NUCKS1: variants seen among roughly 807,000 people sequenced by gnomAD.
NUCKS1 encodes nuclear casein kinase and cyclin dependent kinase substrate 1.
Under a neutral mutation model 33.0 loss-of-function variants are expected in NUCKS1, and 2 were observed. The ratio of observed to expected loss-of-function variants is 0.06; its 90% confidence interval spans 0.02 to 0.19. The LOEUF is 0.19. Ranked by LOEUF, NUCKS1 falls within the 10% of genes least tolerant of loss-of-function variation. NUCKS1 has a pLI of 1.00. For missense variants in NUCKS1, 201 were observed against 293.6 expected (o/e 0.68, Z 2.31); for synonymous variants, 106 against 102.8 (o/e 1.03, Z -0.19).
In NUCKS1 at chr1:205,750,151, G is replaced by T. The variant is rs916952924; in HGVS notation, c.-178C>A. On this transcript the variant is annotated 5_prime_UTR_variant, in exon 1 of 7. Coordinates refer to ENST00000367142, the MANE Select transcript of NUCKS1 (RefSeq NM_022731.5). ...GGTTCAGGGCTCCTGGAACAGACGA[G>T]CCCCCCGCTCCCCCGTCTCTTCAAA... 13 of 641,322 alleles carry T rather than the reference G, an allele frequency of 2.0e-5. No homozygotes were observed. In the African/African-American group the frequency reaches 2.2e-4, roughly 11 times the overall value. The allele number at this position is 641,322 out of a possible 1,614,324, so 39.7% of individuals were successfully genotyped here. A position where few individuals can be genotyped will look rare whatever the true frequency, so the allele number is the denominator to read the frequency against.
At chr1:205,748,318 G>C (rs1277075558) in intron 1 of NUCKS1, among the ~76,000 whole-genome samples, 1 of 152,086 alleles carries the variant, frequency 6.6e-6, no homozygotes, top group East Asian at 1.9e-4. Flanking sequence ...AAAGGTAGAG[G>C]AATTATTTTT....
rs1362649165 is a variant in NUCKS1 at position 205,714,626 on chromosome 1, C to T, written c.*3654G>A. On this transcript the variant is annotated 3_prime_UTR_variant, in exon 7 of 7. Transcript: ENST00000367142. ...ATAGATAGCTTGATGTCCCAATATT[C>T]AAACAATAAGCCAACTCTCCATTTT... 1 of 152,138 alleles carries T rather than the reference C, an allele frequency of 6.6e-6. No individual in the cohort carries two copies. Among genetic ancestry groups the T allele is most frequent in the East Asian group, 1.9e-4 (1 of 5,198 alleles). 9.4% of individuals were successfully genotyped at this position (152,138 alleles called of 1,614,324 possible).
At position 205,729,502 on chromosome 1, in the gene NUCKS1, T is replaced by C. The variant is rs887939830; in HGVS notation, c.67+70A>G. The stretch of plus-strand genomic sequence containing the variant: ...AGTAAAACTTATTCCAAAAGCATAA[T>C]AAAACTATATAAGCTGGTAACCTCC... On this transcript the variant is annotated intron_variant, in intron 2 of 6. Transcript: ENST00000367142. The C allele has an allele frequency of 6.9e-6, 7 of 1,014,690 alleles. No homozygotes were observed. The African/African-American group carries it at 1.1e-4, about 16-fold the overall frequency. The allele number at this position is 1,014,690 out of a possible 1,614,324, so 62.9% of individuals were successfully genotyped here.
intron 6 of NUCKS1, among the ~76,000 whole-genome samples, chr1:205,718,933 T>C (rs1434323955): frequency 6.6e-6 from 1 of 152,238 alleles, no homozygotes; most frequent in Non-Finnish European, 1.5e-5. Context: ...TAGGAAGTGA[T>C]AAACAGAAGT....
chr1:205,728,717 C>T (rs1620334), intron 2 of NUCKS1, among the ~76,000 whole-genome samples: 133,798 of 152,184 alleles, frequency 0.88, 59,808 homozygotes, highest in Non-Finnish European at 0.97. Context: ...AGTAAACATA[C>T]CTGGAAAGTA....
At chr1:205,724,142 G>T in intron 3 of NUCKS1, 161 bp from the exon 4 acceptor site, 3 of 673,686 alleles carry the variant, frequency 4.5e-6, no homozygotes, top group Non-Finnish European at 8.2e-6. Context: ...TATTTACAGG[G>T]ATGCTGGTGA....
At chr1:205,724,060 C>T (rs1231182544) in intron 3 of NUCKS1, 79 bp from the exon 4 acceptor site, 2 of 1,055,902 alleles carry the variant, frequency 1.9e-6, no homozygotes, top group Admixed American at 3.4e-5. Context: ...TGATTTCTGA[C>T]TTGAGAAGAA....
Position 205,715,033 on chromosome 1 carries a change from C to T in NUCKS1, c.*3247G>A, listed in dbSNP as rs1002722517. The T allele has an allele frequency of 1.3e-5, 2 of 152,046 alleles. No individual in the cohort carries two copies. The highest frequency in any genetic ancestry group is 2.9e-5 in the Non-Finnish European group (2 of 68,016). The allele number at this position is 152,046 out of a possible 1,614,324, so 9.4% of individuals were successfully genotyped here. On this transcript the variant is annotated 3_prime_UTR_variant, in exon 7 of 7. Transcript: ENST00000367142. Reference sequence around the variant, plus strand: ...CTGAAGTTTAAAGAAAAGCACGATTCCCATCCCCAACCAGTACTTGAAAAT... The same window carrying T: ...CTGAAGTTTAAAGAAAAGCACGATTTCCATCCCCAACCAGTACTTGAAAAT...
At position 205,717,374 on chromosome 1, in the gene NUCKS1, T is replaced by G; in HGVS notation, c.*906A>C. ...AAATCCACTGTGACCTGTAGACTGA[T>G]CTTGTTGATTAAATTCTAGGGTTTT... On this transcript the variant is annotated 3_prime_UTR_variant, in exon 7 of 7. Transcript: ENST00000367142. 5 of 985,592 alleles carry G rather than the reference T, an allele frequency of 5.1e-6. No individual in the cohort carries two copies. The highest frequency in any genetic ancestry group is 6.0e-6 in the Non-Finnish European group (5 of 828,842). 61.1% of individuals were successfully genotyped at this position (985,592 alleles called of 1,614,324 possible).
At chr1:205,741,183 C>T (rs1406546367) in intron 1 of NUCKS1, among the ~76,000 whole-genome samples, 1 of 136,748 alleles carries the variant, frequency 7.3e-6, no homozygotes, top group Non-Finnish European at 1.7e-5. Flanking sequence ...GCCTGTAGTC[C>T]CAGCTACTCG....
chr1:205,715,378 A>G lies in NUCKS1; in HGVS notation c.*2902T>C, dbSNP rs1671805138. 2 of 152,174 alleles carry G rather than the reference A, an allele frequency of 1.3e-5. No homozygotes were observed. The highest frequency in any genetic ancestry group is 4.1e-4 in the South Asian group (2 of 4,834). The allele number at this position is 152,174 out of a possible 1,614,324, so 9.4% of individuals were successfully genotyped here. A position where few individuals can be genotyped will look rare whatever the true frequency, so the allele number is the denominator to read the frequency against. On this transcript the variant is annotated 3_prime_UTR_variant, in exon 7 of 7. Coordinates refer to ENST00000367142, the MANE Select transcript of NUCKS1 (RefSeq NM_022731.5). ...TCCCTAAAGGAGGAAACACCCATTA[A>G]TTTTCCCTTATGGAATCAATATGGA...
chr1:205,720,717 A>G, intron 4 of NUCKS1, 64 bp from the exon 5 acceptor site: 1 of 1,444,810 alleles, frequency 6.9e-7, no homozygotes, highest in South Asian at 1.3e-5. Flanking sequence ...AGATAGTGCA[A>G]AAGATTAATA....
At position 205,720,574 on chromosome 1, in the gene NUCKS1, C is replaced by T; in HGVS notation, c.309G>A (p.Gln103=). ...CCACATCTTCCATGAGCATCTCTCTCTGTTTAGAAGCTGCTTTAGATGCCG... is the reference window on the plus strand; with the variant it reads ...CCACATCTTCCATGAGCATCTCTCTTTGTTTAGAAGCTGCTTTAGATGCCG... ...RQAASKAASK[Q]REMLMEDVGS... is the part of the protein sequence containing the mutation. The change falls in exon 5 of 7, where the codon CAG becomes CAA. Residue 103 remains glutamine (Q), a synonymous_variant. Coordinates refer to ENST00000367142, the MANE Select transcript of NUCKS1 (RefSeq NM_022731.5). 6.2e-7 allele frequency: 1 copy of T among 1,614,168 alleles called. No individual in the cohort carries two copies. The highest frequency in any genetic ancestry group is 8.5e-7 in the Non-Finnish European group (1 of 1,180,012).
In NUCKS1 at chr1:205,715,182, T is replaced by C. The variant is rs1014901701; in HGVS notation, c.*3098A>G. On this transcript the variant is annotated 3_prime_UTR_variant, in exon 7 of 7. Coordinates refer to ENST00000367142, the MANE Select transcript of NUCKS1 (RefSeq NM_022731.5). ...GTATAACCTCAAATTTCACTCTTGA[T>C]TTGTTATCTGTAAGAAAATGCTATT... 2 of 152,342 alleles carry C rather than the reference T, an allele frequency of 1.3e-5. No individual in the cohort carries two copies. Among genetic ancestry groups the C allele is most frequent in the Admixed American group, 1.3e-4 (2 of 15,292 alleles). 9.4% of individuals were successfully genotyped at this position (152,342 alleles called of 1,614,324 possible). A position where few individuals can be genotyped will look rare whatever the true frequency, so the allele number is the denominator to read the frequency against.
In NUCKS1 at chr1:205,749,997, G is replaced by C; in HGVS notation, c.-24C>G. 1 of 1,596,932 alleles carries C rather than the reference G, an allele frequency of 6.3e-7. No homozygotes were observed. The highest frequency in any genetic ancestry group is 8.5e-7 in the Non-Finnish European group (1 of 1,170,308). ...ATGTTCGCTGTCGAAACAGGACCGAGTCGAGAAGCCAAAGACCAGGACCCC... is the reference window on the plus strand; with the variant it reads ...ATGTTCGCTGTCGAAACAGGACCGACTCGAGAAGCCAAAGACCAGGACCCC... On this transcript the variant is annotated 5_prime_UTR_variant, in exon 1 of 7. Coordinates refer to ENST00000367142, the MANE Select transcript of NUCKS1 (RefSeq NM_022731.5).
At chr1:205,729,461 G>C in intron 2 of NUCKS1, 111 bp downstream of exon 2, 1 of 807,816 alleles carries the variant, frequency 1.2e-6, no homozygotes, top group Non-Finnish European at 2.1e-6. Context: ...TTTGGTAAAT[G>C]ATCTAAAAAT....
intron 3 of NUCKS1, among the ~76,000 whole-genome samples, chr1:205,727,249 G>A (rs1032248287): frequency 2.0e-5 from 3 of 152,118 alleles, no homozygotes; most frequent in African/African-American, 7.2e-5. Flanking sequence ...ACAAGCATGA[G>A]CCACCATGTA....
intron 1 of NUCKS1, among the ~76,000 whole-genome samples, chr1:205,735,235 ACT>A (rs1200285748): frequency 2.6e-5 from 4 of 152,160 alleles, no homozygotes; most frequent in African/African-American, 7.2e-5. Context: ...TTTTTACTGT[ACT>A]TTTTCTATGT....
At chr1:205,720,049 A>G (rs1474430148) in intron 5 of NUCKS1, among the ~76,000 whole-genome samples, 1 of 152,240 alleles carries the variant, frequency 6.6e-6, no homozygotes, top group Non-Finnish European at 1.5e-5. Flanking sequence ...TTTTGGTCCA[A>G]TTATGAATAA....
Sources: allele counts gnomAD v4.1 joint callset (sites outside exome capture counted in the v4.1 genomes callset), GRCh38; gene constraint gnomAD v4.1.1; transcripts MANE v1.5; gene names NCBI Gene and HGNC (gene_info 2026-07-23, HGNC 2026-07-21).